DLG2: variants seen among roughly 807,000 people sequenced by gnomAD.
DLG2 encodes discs large MAGUK scaffold protein 2, also known as disks large homolog 2.
A neutral mutation model predicts 132.5 loss-of-function variants in DLG2; 45 were observed. That is an observed-to-expected ratio of 0.34 (90% CI 0.27 to 0.44). DLG2 has a LOEUF of 0.44. DLG2 is among the 20% of genes least tolerant of loss of function. The probability of loss-of-function intolerance (pLI) is 1.00; values close to 1 mark genes in which losing one functional copy is unlikely to be tolerated. For missense variants in DLG2, 1,045 were observed against 1,196.9 expected (o/e 0.87, Z 1.87); for synonymous variants, 424 against 419.6 (o/e 1.01, Z -0.13).
At chr11:84,917,531 T>C (rs2092544278) in intron 6 of DLG2, among the ~76,000 whole-genome samples, 1 of 152,204 alleles carries the variant, frequency 6.6e-6, no homozygotes, top group African/African-American at 2.4e-5. Flanking sequence ...CTCTAAACTT[T>C]AGTTTCCTCA....
intron 7 of DLG2, among the ~76,000 whole-genome samples, chr11:84,406,577 G>A (rs1359725029): frequency 6.6e-6 from 1 of 152,140 alleles, no homozygotes; most frequent in African/African-American, 2.4e-5. Flanking sequence ...TGGGCTAAAG[G>A]AATCCACTCA....
At chr11:85,126,474 T>A (rs1315612020) in intron 5 of DLG2, among the ~76,000 whole-genome samples, 1 of 152,240 alleles carries the variant, frequency 6.6e-6, no homozygotes, top group Non-Finnish European at 1.5e-5. Context: ...TGTCTGACAC[T>A]ATTAAATGGT....
At chr11:83,467,765 C>CTATATGTATATATATATATATA (rs1282123915) in intron 25 of DLG2, among the ~76,000 whole-genome samples, 69 of 98,900 alleles carry the variant, frequency 7.0e-4, no homozygotes, top group Non-Finnish European at 1.1e-3. Flanking sequence ...AAAATAAAAA[C>CTATATGTATATATATATATATA]TATATGTATA....
At chr11:85,282,552 C>A (rs752332993) in intron 4 of DLG2, among the ~76,000 whole-genome samples, 1 of 151,744 alleles carries the variant, frequency 6.6e-6, no homozygotes, top group Non-Finnish European at 1.5e-5. Context: ...AAATTGCTAA[C>A]ATCAGTTACC....
At chr11:84,608,382 C>A (rs1223649732) in intron 6 of DLG2, among the ~76,000 whole-genome samples, 2 of 152,176 alleles carry the variant, frequency 1.3e-5, no homozygotes, top group African/African-American at 4.8e-5. Flanking sequence ...AGCTGCACCA[C>A]CTCCAGCAAT....
chr11:84,044,246 C>T (rs1169462852), intron 11 of DLG2, among the ~76,000 whole-genome samples: 1 of 151,726 alleles, frequency 6.6e-6, no homozygotes, highest in Non-Finnish European at 1.5e-5. Flanking sequence ...ATTAGAACAC[C>T]ACCTAATACA....
At chr11:85,484,489 T>C (rs934435941) in intron 3 of DLG2, among the ~76,000 whole-genome samples, 5 of 149,782 alleles carry the variant, frequency 3.3e-5, no homozygotes, top group Admixed American at 2.7e-4. Flanking sequence ...TACAATGAAC[T>C]CAAACAAATT....
chr11:85,500,801 C>T lies in DLG2; in HGVS notation c.40+97856G>A, dbSNP rs569592902. Among the ~76,000 whole-genome samples, 6 of 152,310 alleles carry T rather than the reference C, an allele frequency of 3.9e-5. No homozygotes were observed. The South Asian group carries it at 1.2e-3, about 32-fold the overall frequency. On this transcript the variant is annotated intron_variant, in intron 3 of 27. Transcript: ENST00000376104. ...AACAAATGCAAAAACATTCCACGCT[C>T]ATGGATAGGAAGAATCAATATCGTG...
chr11:83,561,805 T>C (rs1334327552), intron 19 of DLG2, among the ~76,000 whole-genome samples: 1 of 151,730 alleles, frequency 6.6e-6, no homozygotes, highest in Non-Finnish European at 1.5e-5. Context: ...TACTAATAAG[T>C]ACCAGGTAGG....
At chr11:85,155,639 G>A (rs1237756122) in intron 4 of DLG2, among the ~76,000 whole-genome samples, 1 of 152,110 alleles carries the variant, frequency 6.6e-6, no homozygotes, top group African/African-American at 2.4e-5. Flanking sequence ...GAAGGCCAAG[G>A]AGGATGGATC....
At chr11:85,290,771 C>T (rs945082254) in intron 3 of DLG2, among the ~76,000 whole-genome samples, 1 of 151,958 alleles carries the variant, frequency 6.6e-6, no homozygotes, top group Admixed American at 6.6e-5. Flanking sequence ...GAGAGAGCCC[C>T]TATTCAGTCC....
chr11:84,805,642 A>C (rs2075909975), intron 6 of DLG2, among the ~76,000 whole-genome samples: 1 of 152,172 alleles, frequency 6.6e-6, no homozygotes, highest in African/African-American at 2.4e-5. Context: ...CTGCTCCAGC[A>C]ATATGAATTA....
chr11:83,640,233 C>T (rs762159288), intron 18 of DLG2, among the ~76,000 whole-genome samples: 4 of 152,104 alleles, frequency 2.6e-5, no homozygotes, highest in South Asian at 2.1e-4. Flanking sequence ...TGTACACACG[C>T]GATGCTTTAA....
chr11:84,086,976 G>T (rs1415086398), intron 10 of DLG2, among the ~76,000 whole-genome samples: 1 of 152,022 alleles, frequency 6.6e-6, no homozygotes, highest in Non-Finnish European at 1.5e-5. Context: ...CATTAATGTT[G>T]TGCCATCTGT....
At chr11:84,366,191 G>T (rs1307739429) in intron 7 of DLG2, among the ~76,000 whole-genome samples, 2 of 152,000 alleles carry the variant, frequency 1.3e-5, no homozygotes, top group Non-Finnish European at 2.9e-5. Flanking sequence ...TTTCAACCCA[G>T]AATTTCATAT....
At chr11:83,828,733 C>T (rs1263714884) in intron 17 of DLG2, among the ~76,000 whole-genome samples, 1 of 152,064 alleles carries the variant, frequency 6.6e-6, no homozygotes, top group Non-Finnish European at 1.5e-5. Flanking sequence ...GTATCTGAAC[C>T]TTTTTAAAAA....
intron 3 of DLG2, among the ~76,000 whole-genome samples, chr11:85,400,789 G>C (rs1315920717): frequency 2.0e-5 from 3 of 151,698 alleles, no homozygotes; most frequent in Non-Finnish European, 4.4e-5. Flanking sequence ...TTGTGGGGTG[G>C]GGGGAGAGGG....
intron 9 of DLG2, among the ~76,000 whole-genome samples, chr11:84,132,994 A>G (rs1414136464): frequency 1.3e-5 from 2 of 152,092 alleles, no homozygotes; most frequent in African/African-American, 2.4e-5. Flanking sequence ...AAGAAAAGCT[A>G]TATTTACAGA....
intron 6 of DLG2, among the ~76,000 whole-genome samples, chr11:84,537,334 T>C (rs1035228851): frequency 6.6e-6 from 1 of 152,040 alleles, no homozygotes; most frequent in South Asian, 2.1e-4. Flanking sequence ...CTCGAACTCT[T>C]ACCGCAGGTG....
Sources: allele counts gnomAD v4.1 joint callset (sites outside exome capture counted in the v4.1 genomes callset), GRCh38; gene constraint gnomAD v4.1.1; transcripts MANE v1.5; gene names NCBI Gene and HGNC (gene_info 2026-07-23, HGNC 2026-07-21).